Variants in AEBP2 observed in about 807,000 individuals in gnomAD.
AEBP2 encodes zinc finger protein AEBP2.
AEBP2 carries 10 observed loss-of-function variants against 50.8 expected under a neutral mutation model. That is an observed-to-expected ratio of 0.20 (90% CI 0.12 to 0.33). AEBP2 has a LOEUF of 0.33. Among genes scored for constraint, AEBP2 ranks in the 10% least tolerant of loss-of-function variants. AEBP2 has a pLI of 1.00. For synonymous variants in AEBP2, 296 were observed against 261.3 expected, an observed-to-expected ratio of 1.13 and a Z score of -1.28; for missense variants, 570 against 688.0, an observed-to-expected ratio of 0.83 and a Z score of 1.92.
At chr12:19,417,870 A>G (rs537913384) in intron 1 of AEBP2, among the ~76,000 whole-genome samples, 74 of 151,294 alleles carry the variant, frequency 4.9e-4, no homozygotes, top group African/African-American at 1.7e-3. Flanking sequence ...ACGCCCAGCT[A>G]TTTTTTGTGT....
In AEBP2 at chr12:19,440,670, G is replaced by A. The variant is rs751174887; in HGVS notation, c.671+300G>A. ...TAACTCGGAAACAGTCCCCAAACGG[G>A]CCCAGATCCTCTGGCGGAGCAGAAG... is the stretch of plus-strand genomic sequence containing the variant. On this transcript the variant is annotated intron_variant, in intron 1 of 7. Coordinates refer to ENST00000266508, the MANE Select transcript of AEBP2 (RefSeq NM_153207.5). The A allele has an allele frequency of 4.9e-5, 75 of 1,532,658 alleles. No individual in the cohort carries two copies. The South Asian group carries it at 8.9e-4, about 18-fold the overall frequency. 94.9% of individuals were successfully genotyped at this position (1,532,658 alleles called of 1,614,324 possible).
chr12:19,440,588 C>T (rs1456529587), intron 1 of AEBP2: 11 of 1,455,856 alleles, frequency 7.6e-6, no homozygotes, highest in Non-Finnish European at 1.0e-5. Context: ...CCCAACTCTC[C>T]TTTCCCCGCC....
intron 3 of AEBP2, among the ~76,000 whole-genome samples, chr12:19,482,750 C>T (rs1232703568): frequency 1.3e-5 from 2 of 152,120 alleles, no homozygotes; most frequent in South Asian, 4.1e-4. Flanking sequence ...TTTCATTAGG[C>T]GGGGCTTGCC....
intron 1 of AEBP2, among the ~76,000 whole-genome samples, chr12:19,452,051 CAGCTAATTTTTG>C (rs1403071431): frequency 6.6e-6 from 1 of 152,090 alleles, no homozygotes; most frequent in African/African-American, 2.4e-5. Flanking sequence ...CCCCCACACC[CAGCTAATTTTTG>C]TATTTTTAGT....
chr12:19,513,367 TGAG>T (rs1949265724), intron 6 of AEBP2, among the ~76,000 whole-genome samples: 1 of 152,110 alleles, frequency 6.6e-6, no homozygotes, highest in Admixed American at 6.5e-5. Flanking sequence ...TAAAAGGAAA[TGAG>T]GGTATATTAT....
intron 2 of AEBP2, 48 bp downstream of exon 2, chr12:19,462,765 A>G (rs753729497): frequency 1.3e-6 from 2 of 1,513,254 alleles, no homozygotes; most frequent in East Asian, 2.3e-5. Context: ...CGTTAGTTTT[A>G]TTAATTTATA....
chr12:19,429,754 C>T (rs1362522888), intron 1 of AEBP2, among the ~76,000 whole-genome samples: 3 of 151,204 alleles, frequency 2.0e-5, no homozygotes, highest in Non-Finnish European at 4.4e-5. Context: ...TTTCATGTGT[C>T]TTTTGGCTGC....
chr12:19,476,348 T>A (rs1024027942), intron 3 of AEBP2, among the ~76,000 whole-genome samples: 1 of 151,990 alleles, frequency 6.6e-6, no homozygotes, highest in Admixed American at 6.6e-5. Context: ...GGTTTTTAGT[T>A]TTTATTTTTT....
intron 7 of AEBP2, among the ~76,000 whole-genome samples, chr12:19,517,166 T>C (rs141247566): frequency 6.6e-6 from 1 of 152,364 alleles, no homozygotes; most frequent in Non-Finnish European, 1.5e-5. Context: ...GTACAATCTT[T>C]TCTTAAATTT....
chr12:19,472,858 AATATACCTTTC>A (rs1288639474), intron 2 of AEBP2, among the ~76,000 whole-genome samples: 3 of 152,100 alleles, frequency 2.0e-5, no homozygotes, highest in African/African-American at 7.2e-5. Context: ...ATTTTTACAA[AATATACCTTTC>A]ATAAAAGGTA....
At chr12:19,501,767 A>G (rs1423041925) in intron 5 of AEBP2, among the ~76,000 whole-genome samples, 1 of 104,164 alleles carries the variant, frequency 9.6e-6, no homozygotes, top group South Asian at 3.0e-4. Flanking sequence ...TTGAACCTCT[A>G]TTTCCGTCGT....
At chr12:19,455,367 G>A (rs1351178088) in intron 1 of AEBP2, among the ~76,000 whole-genome samples, 1 of 152,090 alleles carries the variant, frequency 6.6e-6, no homozygotes, top group East Asian at 1.9e-4. Context: ...GCAAGTGGTA[G>A]TTTCTTAAAG....
At chr12:19,419,757 C>T (rs1265170150) in intron 1 of AEBP2, among the ~76,000 whole-genome samples, 10 of 151,922 alleles carry the variant, frequency 6.6e-5, no homozygotes, top group African/African-American at 2.4e-4. Context: ...TGGCGAAACC[C>T]TGTCTCTACT....
At chr12:19,430,284 G>T (rs1322433890) in intron 1 of AEBP2, among the ~76,000 whole-genome samples, 4 of 152,126 alleles carry the variant, frequency 2.6e-5, no homozygotes, top group East Asian at 1.9e-4. Flanking sequence ...TCAGATAGTT[G>T]TAGATATGTG....
chr12:19,440,702 T>C (rs1947940364), intron 1 of AEBP2: 5 of 1,533,358 alleles, frequency 3.3e-6, no homozygotes, highest in Non-Finnish European at 4.4e-6. Context: ...GAAGAGGGCC[T>C]TGATGTACAC....
chr12:19,493,882 A>G lies in AEBP2; in HGVS notation c.1070A>G (p.Asn357Ser). 6.2e-7 allele frequency: 1 copy of G among 1,613,858 alleles called. No individual in the cohort carries two copies. Among genetic ancestry groups the G allele is most frequent in the Non-Finnish European group, 8.5e-7 (1 of 1,179,866 alleles). The change falls in exon 4 of 8, where the codon AAC (asparagine) becomes AGC (serine). Residue 357 changes from asparagine to serine, a missense_variant. Physicochemically the swap from Asn to Ser is conservative, Grantham distance 46. Coordinates refer to ENST00000266508, the MANE Select transcript of AEBP2 (RefSeq NM_153207.5). ...RHVPTHFSQQNSSKVSSQPKA... is the reference protein window; with the variant it reads ...RHVPTHFSQQSSSKVSSQPKA... ...GTACCCACACACTTCAGTCAGCAGA[A>G]CTCCTCAAAAGTTTCTAGCCAGCCA...
At chr12:19,459,945 G>A (rs1486521311) in intron 1 of AEBP2, among the ~76,000 whole-genome samples, 2 of 152,170 alleles carry the variant, frequency 1.3e-5, no homozygotes, top group South Asian at 2.1e-4. Flanking sequence ...AAATTAGCTC[G>A]GTGCAGTGGC....
intron 3 of AEBP2, among the ~76,000 whole-genome samples, chr12:19,482,786 T>C (rs1336631063): frequency 6.6e-6 from 1 of 152,120 alleles, no homozygotes; most frequent in Non-Finnish European, 1.5e-5. Flanking sequence ...GATAGGGCGT[T>C]GGTTTTCAGG....
chr12:19,472,533 G>A (rs1392268873), intron 2 of AEBP2, among the ~76,000 whole-genome samples: 1 of 152,080 alleles, frequency 6.6e-6, no homozygotes, highest in East Asian at 1.9e-4. Context: ...TATGAAAGTA[G>A]GGTAGCTCAT....
Sources: allele counts gnomAD v4.1 joint callset (sites outside exome capture counted in the v4.1 genomes callset), GRCh38; gene constraint gnomAD v4.1.1; transcripts MANE v1.5; gene names NCBI Gene and HGNC (gene_info 2026-07-23, HGNC 2026-07-21).